Variants in PDE4C observed in about 807,000 individuals in gnomAD.
The protein encoded by PDE4C is phosphodiesterase 4C, also known as 3',5'-cyclic-AMP phosphodiesterase 4C.
Under a neutral mutation model 63.9 loss-of-function variants are expected in PDE4C, and 50 were observed. That is an observed-to-expected ratio of 0.78 (90% CI 0.62 to 0.99). The LOEUF is 0.99. Among genes scored for constraint, PDE4C ranks in the 50% least tolerant of loss-of-function variants. PDE4C has a pLI of 0.00. For synonymous variants in PDE4C, 377 were observed against 385.1 expected (o/e 0.98, Z 0.25); for missense variants, 777 against 899.1 (o/e 0.86, Z 1.74).
upstream of PDE4C, among the ~76,000 whole-genome samples, chr19:18,227,977 A>G (rs1968777048): frequency 6.6e-6 from 1 of 152,188 alleles, no homozygotes; most frequent in Non-Finnish European, 1.5e-5. Flanking sequence ...AGCCTCAGGT[A>G]TCTGGCCAGG....
chr19:18,209,659 G>A (rs1450712725), downstream of PDE4C: 4 of 150,348 alleles, frequency 2.7e-5, no homozygotes, highest in African/African-American at 9.8e-5. Flanking sequence ...AAAGTGCTAG[G>A]ATTACAGGCG....
chr19:18,252,682 A>G (rs1158184979), upstream of PDE4C, among the ~76,000 whole-genome samples: 1 of 151,014 alleles, frequency 6.6e-6, no homozygotes, highest in African/African-American at 2.4e-5. Context: ...CAGTGGTGCC[A>G]TCTCAGCTCA....
Position 18,220,792 on chromosome 19 carries a change from G to A in PDE4C, c.499+82C>T, listed in dbSNP as rs769721335. On this transcript the variant is annotated intron_variant, in intron 5 of 14. Coordinates refer to ENST00000262805, the Ensembl canonical transcript of PDE4C. This position sits in a 1 kb window ranked among gnomAD's most constrained non-coding sequence, Gnocchi z 5.1. ...GGGCTACAATTAGCCCCAGTATAAG[G>A]GGCTCATGGACTGGGGAGGTCACTA... The A allele has an allele frequency of 2.2e-6, 3 of 1,350,024 alleles. No homozygotes were observed. Among genetic ancestry groups the A allele is most frequent in the African/African-American group, 1.4e-5 (1 of 70,318 alleles). The allele number at this position is 1,350,024 out of a possible 1,614,324, so 83.6% of individuals were successfully genotyped here.
exon 10 of PDE4C, chr19:18,218,460 G>A (rs770327717): frequency 1.2e-6 from 2 of 1,614,222 alleles, no homozygotes; most frequent in Non-Finnish European, 1.7e-6. Context: ...TGGCCAGTGT[G>A]TCTGCTGGGA....
At chr19:18,238,837 G>A (rs141376472) in intron 1 of PDE4C, among the ~76,000 whole-genome samples, 2,248 of 151,710 alleles carry the variant, frequency 0.015, 60 homozygotes, top group African/African-American at 0.051. Context: ...CTAAAAATAC[G>A]AAAATTAGCC....
chr19:18,222,861 G>A (rs1039993216), intron 1 of PDE4C, among the ~76,000 whole-genome samples: 2 of 150,730 alleles, frequency 1.3e-5, no homozygotes, highest in Non-Finnish European at 3.0e-5. Context: ...CCCAACACTC[G>A]GCTAATTTTA....
At chr19:18,211,071 T>G in exon 15 of PDE4C, 2 of 1,614,216 alleles carry the variant, frequency 1.2e-6, no homozygotes, top group Non-Finnish European at 1.7e-6. Flanking sequence ...ATCCTCTTCC[T>G]CTGCCTCCTC....
upstream of PDE4C, chr19:18,250,261 C>A (rs936146859): frequency 2.5e-6 from 1 of 399,076 alleles, no homozygotes. Flanking sequence ...AGCAGCTCCC[C>A]CAACCATGCC....
chr19:18,229,598 G>A, upstream of PDE4C, among the ~76,000 whole-genome samples: 1 of 152,024 alleles, frequency 6.6e-6, no homozygotes, highest in East Asian at 1.9e-4. Context: ...CCCTTCTCTG[G>A]GCAGGCACTT....
intron 4 of PDE4C, 53 bp downstream of exon 4, chr19:18,221,052 G>GCCAGGGCCCCCCCCCCCCCCCCCCCCC: frequency 1.6e-6 from 2 of 1,245,304 alleles, no homozygotes; most frequent in Non-Finnish European, 2.3e-6. Flanking sequence ...CCCGCTTTCC[G>GCCAGGGCCCCCCCCCCCCCCCCCCCCC]CCCACCTTGT....
rs569051275 is a variant in PDE4C at position 18,217,009 on chromosome 19, C to A, written c.1235-114G>T. On this transcript the variant is annotated intron_variant, in intron 11 of 14. Transcript: ENST00000262805. ...CTACCCATGCGTTGAAGGCCCAACT[C>A]TAGCATGCCCTCCTGTAAGAAACCA... 2.8e-4 allele frequency: 322 copies of A among 1,144,958 alleles called. No homozygotes were observed. The African/African-American group carries it at 4.2e-3, about 15-fold the overall frequency. The allele number at this position is 1,144,958 out of a possible 1,614,324, so 70.9% of individuals were successfully genotyped here.
Position 18,221,049 on chromosome 19 carries a change from T to TCCGCCAGGCCCCGCCCACC in PDE4C, c.449+55_449+56insGGTGGGCGGGGCCTGGCGG. 6.5e-6 allele frequency: 8 copies of TCCGCCAGGCCCCGCCCACC among 1,239,964 alleles called. 1 individual carries two copies. Among genetic ancestry groups the TCCGCCAGGCCCCGCCCACC allele is most frequent in the Non-Finnish European group, 9.1e-6 (8 of 874,824 alleles). The allele number at this position is 1,239,964 out of a possible 1,614,324, so 76.8% of individuals were successfully genotyped here. A position where few individuals can be genotyped will look rare whatever the true frequency, so the allele number is the denominator to read the frequency against. ...CCCAGCCTCAATTTGCAGCCCGCTT[T>TCCGCCAGGCCCCGCCCACC]CCGCCCACCTTGTCTCTGCCGGCCC... On this transcript the variant is annotated intron_variant, in intron 4 of 14. Transcript: ENST00000262805.
chr19:18,224,954 A>C (rs879637314), intron 1 of PDE4C, among the ~76,000 whole-genome samples: 1 of 152,178 alleles, frequency 6.6e-6, no homozygotes, highest in Non-Finnish European at 1.5e-5. Flanking sequence ...GGCTCTCCCC[A>C]AGGGTTCCAG....
intron 12 of PDE4C, among the ~76,000 whole-genome samples, chr19:18,214,910 T>C (rs1294599436): frequency 2.1e-5 from 3 of 146,296 alleles, no homozygotes; most frequent in African/African-American, 7.6e-5. Context: ...GATCACACCA[T>C]TGCACTCCAG....
exon 12 of PDE4C, chr19:18,216,866 C>A: frequency 1.2e-6 from 2 of 1,613,870 alleles, no homozygotes; most frequent in Non-Finnish European, 1.7e-6. Context: ...AGCACCGAGG[C>A]GTCGTTGTAC....
chr19:18,233,275 G>A (rs1968889828), exon 1 of PDE4C: 1 of 1,530,904 alleles, frequency 6.5e-7, no homozygotes, highest in Non-Finnish European at 8.8e-7. Flanking sequence ...TCCCGGGTCC[G>A]GCCCAGGGCC....
intron 1 of PDE4C, among the ~76,000 whole-genome samples, chr19:18,245,150 GTTTGTTTGT>G (rs1969108879): frequency 3.8e-4 from 1 of 2,648 alleles, no homozygotes; most frequent in African/African-American, 4.8e-3. Flanking sequence ...TTGGTTTTTT[GTTTGTTTGT>G]TTGTTTGTTT....
chr19:18,242,302 C>T (rs770239754), intron 1 of PDE4C, among the ~76,000 whole-genome samples: 24 of 151,368 alleles, frequency 1.6e-4, no homozygotes, highest in Non-Finnish European at 3.2e-4. Flanking sequence ...ATAGTGAAAC[C>T]CTTGTCTCTA....
chr19:18,221,790 A>G (rs1478088125), intron 2 of PDE4C, among the ~76,000 whole-genome samples: 1 of 151,862 alleles, frequency 6.6e-6, no homozygotes, highest in Non-Finnish European at 1.5e-5. Context: ...ACACCTGGCT[A>G]ATTTTTGTAT....
Sources: gnomAD v4.1 joint callset for allele counts (sites outside exome capture counted in the v4.1 genomes callset) on GRCh38, gnomAD v4.1.1 for gene constraint, Gnocchi (gnomAD v3.1) non-coding constraint, MANE v1.5 for transcripts, NCBI Gene and HGNC (gene_info 2026-07-23, HGNC 2026-07-21) for gene names.